Variants in MAN2B2 observed in about 807,000 individuals in gnomAD.
MAN2B2 encodes epididymis-specific alpha-mannosidase.
Under a neutral mutation model 117.1 loss-of-function variants are expected in MAN2B2, and 106 were observed. That is an observed-to-expected ratio of 0.90 (90% CI 0.77 to 1.06). The LOEUF (loss-of-function observed/expected upper bound fraction) is 1.06, where lower values mean the gene tolerates loss of function less well. MAN2B2 is among the 50% of genes least tolerant of loss of function. The probability of loss-of-function intolerance (pLI) is 0.00; values close to 1 mark genes in which losing one functional copy is unlikely to be tolerated. For synonymous variants in MAN2B2, 544 were observed against 595.1 expected, an observed-to-expected ratio of 0.91 and a Z score of 1.25; for missense variants, 1,326 against 1,381.4, an observed-to-expected ratio of 0.96 and a Z score of 0.64.
rs747772317 is a variant in MAN2B2 at position 6,620,058 on chromosome 4, C to G, written c.2932+14C>G. The G allele has an allele frequency of 2.5e-6, 4 of 1,595,314 alleles. No homozygotes were observed. The East Asian group carries it at 9.1e-5, about 36-fold the overall frequency. ...GCCGCCACAGAGGTTTGGGGACCCC[C>G]GCTTCAGCTCCCTACCCAGGACTCC... On this transcript the variant is annotated intron_variant, in intron 18 of 18. Coordinates refer to ENST00000285599, the MANE Select transcript of MAN2B2 (RefSeq NM_015274.3).
At chr4:6,604,335 A>C (rs1434238578) in intron 10 of MAN2B2, among the ~76,000 whole-genome samples, 1 of 151,674 alleles carries the variant, frequency 6.6e-6, no homozygotes, top group Non-Finnish European at 1.5e-5. Context: ...AGCAGTGCAG[A>C]TGCTGGGCAG....
At chr4:6,617,255 C>G (rs1221854783) in intron 16 of MAN2B2, 125 bp from the exon 17 acceptor site, 1 of 695,610 alleles carries the variant, frequency 1.4e-6, no homozygotes, top group East Asian at 2.7e-5. Flanking sequence ...GGGACACAGC[C>G]AAACCATATC....
Position 6,589,074 on chromosome 4 carries a change from A to G in MAN2B2, c.594A>G (p.Pro198=). The change falls in exon 5 of 19, where the codon CCA becomes CCG. Residue 198 remains proline (P), a synonymous_variant. Transcript: ENST00000285599. The part of the protein sequence containing the change: ...RGLQFVWRGS[P]SLSERQEIFT... ...TGCAGTTCGTGTGGCGAGGGTCCCCATCCCTCTCAGAGCGGCAGGAAATCT... is the reference window on the plus strand; with the variant it reads ...TGCAGTTCGTGTGGCGAGGGTCCCCGTCCCTCTCAGAGCGGCAGGAAATCT... The G allele has an allele frequency of 6.2e-7, 1 of 1,614,134 alleles. No individual in the cohort carries two copies. The highest frequency in any genetic ancestry group is 8.5e-7 in the Non-Finnish European group (1 of 1,179,994).
At chr4:6,601,989 G>A (rs567136814) in intron 10 of MAN2B2, among the ~76,000 whole-genome samples, 33 of 152,334 alleles carry the variant, frequency 2.2e-4, no homozygotes, top group African/African-American at 7.7e-4. Flanking sequence ...CTGATACTGG[G>A]CTTGGGGCAT....
chr4:6,605,733 C>T (rs7672421), intron 11 of MAN2B2, among the ~76,000 whole-genome samples: 71,262 of 151,792 alleles, frequency 0.47, 17,061 homozygotes, highest in East Asian at 0.63. Context: ...TTCACCCACC[C>T]ACTTATCTAC....
chr4:6,576,595 C>A lies in MAN2B2; in HGVS notation c.156C>A (p.Tyr52Ter), dbSNP rs770363234. The change falls in exon 2 of 19, where the codon TAC becomes TAA. Residue 52 changes from tyrosine to a stop codon, truncating the protein, a stop_gained. Transcript: ENST00000285599. LOFTEE classifies it high-confidence loss of function. The stretch of plus-strand genomic sequence containing the variant: ...CTCCCCAGGAAAGCATGCGGGCGTA[C>A]GCCGCCAATGTCTACACCTCAGTGG... Reference protein sequence around the residue: ...VYTVQESMRAYAANVYTSVVE... With the variant: ...VYTVQESMRA 1 of 1,613,102 alleles carries A rather than the reference C, an allele frequency of 6.2e-7. No individual in the cohort carries two copies. Among genetic ancestry groups the A allele is most frequent in the East Asian group, 2.2e-5 (1 of 44,872 alleles).
Position 6,587,293 on chromosome 4 carries a change from AC to A in MAN2B2, c.564+127del, listed in dbSNP as rs910100904. On this transcript the variant is annotated intron_variant, in intron 4 of 18. Transcript: ENST00000285599. ...TCGGAAATTCTTGGCAGCTGCATAG[AC>A]CGCGGGGCTGTCCCCTAACCTTTGC... is the stretch of plus-strand genomic sequence containing the variant. 24 of 1,184,946 alleles carry A rather than the reference AC, an allele frequency of 2.0e-5. No individual in the cohort carries two copies. In the South Asian group the frequency reaches 2.1e-4, roughly 10 times the overall value. The allele number at this position is 1,184,946 out of a possible 1,614,324, so 73.4% of individuals were successfully genotyped here. A position where few individuals can be genotyped will look rare whatever the true frequency, so the allele number is the denominator to read the frequency against.
At chr4:6,578,792 A>G (rs2108856045) in intron 3 of MAN2B2, among the ~76,000 whole-genome samples, 2 of 152,150 alleles carry the variant, frequency 1.3e-5, no homozygotes, top group Admixed American at 1.3e-4. Context: ...TCATAGATAA[A>G]ATGAGTTTGA....
intron 4 of MAN2B2, among the ~76,000 whole-genome samples, chr4:6,588,356 T>G (rs1191073835): frequency 6.6e-6 from 1 of 152,202 alleles, no homozygotes; most frequent in Non-Finnish European, 1.5e-5. Flanking sequence ...TTTCCTTTTT[T>G]CTGAGGACAC....
chr4:6,609,083 A>T, intron 11 of MAN2B2, 24 bp from the exon 12 acceptor site: 2 of 1,600,768 alleles, frequency 1.2e-6, no homozygotes, highest in Non-Finnish European at 1.7e-6. Flanking sequence ...TGAGAATGAC[A>T]TCTTCTCTCT....
intron 10 of MAN2B2, among the ~76,000 whole-genome samples, chr4:6,604,755 G>T (rs1226850199): frequency 6.6e-6 from 1 of 152,056 alleles, no homozygotes; most frequent in Non-Finnish European, 1.5e-5. Context: ...CATCACTTTG[G>T]TTGATGAAGG....
chr4:6,596,982 G>A (rs955461951), intron 7 of MAN2B2, 131 bp from the exon 8 acceptor site: 75 of 862,360 alleles, frequency 8.7e-5, no homozygotes, highest in Middle Eastern at 2.4e-4. Context: ...CTGCCTGCCC[G>A]GCCTGCCTCC....
intron 7 of MAN2B2, 125 bp from the exon 8 acceptor site, chr4:6,596,988 C>A: frequency 1.1e-6 from 1 of 928,208 alleles, no homozygotes; most frequent in Non-Finnish European, 1.6e-6. Context: ...GCCCGGCCTG[C>A]CTCCTTGGGT....
intron 14 of MAN2B2, 37 bp downstream of exon 14, chr4:6,611,027 G>A (rs201340604): frequency 8.6e-5 from 139 of 1,613,186 alleles, no homozygotes; most frequent in South Asian, 8.6e-4. Context: ...AGCCCCTCGC[G>A]GCCCCCTACA....
Position 6,610,951 on chromosome 4 carries a change from G to A in MAN2B2, c.2331G>A (p.Arg777=), listed in dbSNP as rs147196628. 10 of 1,614,206 alleles carry A rather than the reference G, an allele frequency of 6.2e-6. No individual in the cohort carries two copies. Among genetic ancestry groups the A allele is most frequent in the Non-Finnish European group, 8.5e-6 (10 of 1,180,030 alleles). The change falls in exon 14 of 19, where the codon CGG becomes CGA. Residue 777 remains arginine (R), a synonymous_variant. Transcript: ENST00000285599. ...GCAGGCTTGTGTTGCTGTCGGAGCG[G>A]GCACATGGCATCTCCAGCCAAGGGA... ...GKSRLVLLSE[R]AHGISSQGNG... is the part of the protein sequence containing the mutation.
intron 9 of MAN2B2, among the ~76,000 whole-genome samples, chr4:6,599,280 T>A (rs1181213618): frequency 6.6e-6 from 1 of 151,964 alleles, no homozygotes; most frequent in Non-Finnish European, 1.5e-5. Context: ...TTATTTTTAT[T>A]TTTTTTGGAG....
At chr4:6,593,141 G>T in intron 5 of MAN2B2, 32 bp from the exon 6 acceptor site, 1 of 1,606,074 alleles carries the variant, frequency 6.2e-7, no homozygotes, top group Non-Finnish European at 8.5e-7. Flanking sequence ...CAGAGTTCGT[G>T]TCTTCTGCCC....
intron 10 of MAN2B2, 116 bp from the exon 11 acceptor site, chr4:6,604,938 GA>G: frequency 8.0e-7 from 1 of 1,257,776 alleles, no homozygotes; most frequent in South Asian, 1.4e-5. Flanking sequence ...GCAGGGAGGA[GA>G]AATCGGCAGG....
At chr4:6,600,863 G>A in intron 10 of MAN2B2, 107 bp downstream of exon 10, 1 of 1,363,992 alleles carries the variant, frequency 7.3e-7, no homozygotes, top group Non-Finnish European at 9.9e-7. Context: ...TATCACCTTT[G>A]TTTTACAGAA....
Sources: allele counts gnomAD v4.1 joint callset (sites outside exome capture counted in the v4.1 genomes callset), GRCh38; gene constraint gnomAD v4.1.1; transcripts MANE v1.5; gene names NCBI Gene and HGNC (gene_info 2026-07-23, HGNC 2026-07-21).